Variants in GPR158 observed in about 807,000 individuals in gnomAD.
GPR158 encodes metabotropic glycine receptor.
Under a neutral mutation model 78.2 loss-of-function variants are expected in GPR158, and 30 were observed. The observed-to-expected ratio is 0.38, with a 90% CI of 0.29 to 0.52. The LOEUF (loss-of-function observed/expected upper bound fraction) is 0.52. Among genes scored for constraint, GPR158 ranks in the 20% least tolerant of loss-of-function variants. The pLI is 0.83. For synonymous variants in GPR158, 581 were observed against 591.1 expected (o/e 0.98, Z 0.25); for missense variants, 1,463 against 1,523.5 (o/e 0.96, Z 0.66).
At chr10:25,297,940 A>C (rs66539540) in intron 2 of GPR158, among the ~76,000 whole-genome samples, 29,303 of 152,114 alleles carry the variant, frequency 0.19, 5,132 homozygotes, top group African/African-American at 0.47. Context: ...GGTTCAAATC[A>C]CATCTTTGCC....
intron 4 of GPR158, among the ~76,000 whole-genome samples, chr10:25,458,095 T>C (rs1043922229): frequency 5.9e-5 from 9 of 152,210 alleles, no homozygotes; most frequent in Non-Finnish European, 1.3e-4. Context: ...TCAAATTATG[T>C]ATAAATCAAT....
At chr10:25,317,101 T>C (rs1225305973) in intron 2 of GPR158, among the ~76,000 whole-genome samples, 1 of 151,726 alleles carries the variant, frequency 6.6e-6, no homozygotes, top group African/African-American at 2.4e-5. Flanking sequence ...TGGAGTGCAG[T>C]TGGCGTGATC....
At chr10:25,416,028 C>G (rs911779556) in intron 4 of GPR158, among the ~76,000 whole-genome samples, 2 of 152,034 alleles carry the variant, frequency 1.3e-5, no homozygotes, top group African/African-American at 4.8e-5. Context: ...AAATCTATTA[C>G]AAATTTTTAA....
intron 5 of GPR158, among the ~76,000 whole-genome samples, chr10:25,536,202 A>C (rs989409214): frequency 2.0e-5 from 3 of 152,172 alleles, no homozygotes; most frequent in Non-Finnish European, 2.9e-5. Context: ...ATTTTTATTG[A>C]AGAATATTTA....
chr10:25,380,380 T>A (rs1378719101), intron 2 of GPR158, among the ~76,000 whole-genome samples: 1 of 152,342 alleles, frequency 6.6e-6, no homozygotes, highest in African/African-American at 2.4e-5. Flanking sequence ...TTTATAAAAC[T>A]GAAATCATAT....
At chr10:25,264,998 G>A (rs887935338) in intron 2 of GPR158, among the ~76,000 whole-genome samples, 1 of 152,124 alleles carries the variant, frequency 6.6e-6, no homozygotes, top group Non-Finnish European at 1.5e-5. Flanking sequence ...CCCTCTCATT[G>A]TATCTCATTA....
At chr10:25,208,682 A>T (rs1355535204) in intron 1 of GPR158, among the ~76,000 whole-genome samples, 1 of 151,802 alleles carries the variant, frequency 6.6e-6, no homozygotes, top group East Asian at 1.9e-4. Context: ...GAACATCTCG[A>T]CATTTCCCGA....
intron 10 of GPR158, among the ~76,000 whole-genome samples, chr10:25,597,529 T>C (rs1243328737): frequency 6.6e-6 from 1 of 152,146 alleles, no homozygotes; most frequent in Non-Finnish European, 1.5e-5. Flanking sequence ...TGCTTGCTCC[T>C]TGAAGCAAGG....
At chr10:25,499,406 G>A (rs575577837) in intron 5 of GPR158, among the ~76,000 whole-genome samples, 1 of 152,164 alleles carries the variant, frequency 6.6e-6, no homozygotes, top group Non-Finnish European at 1.5e-5. Flanking sequence ...TTGGTACCAA[G>A]GTGGTATGTG....
At chr10:25,220,238 C>A (rs1731799308) in intron 1 of GPR158, among the ~76,000 whole-genome samples, 1 of 152,104 alleles carries the variant, frequency 6.6e-6, no homozygotes, top group African/African-American at 2.4e-5. Context: ...CAGTGTTGGA[C>A]AGATATTTCT....
intron 6 of GPR158, among the ~76,000 whole-genome samples, chr10:25,567,877 G>C (rs980272254): frequency 6.6e-5 from 10 of 152,150 alleles, no homozygotes; most frequent in Non-Finnish European, 1.3e-4. Context: ...TGACTAGCTA[G>C]GAAGCTACTA....
rs201950292 is a variant in GPR158 at position 25,598,745 on chromosome 10, C to T, written c.3119C>T (p.Pro1040Leu). ...SIVASEMEKN[P>L]TFSLKEKSHH... ...GTGGCTTCTGAAATGGAGAAAAACC[C>T]CACTTTTTCCTTAAAGGAGAAATCT... The change falls in exon 11 of 11, where the codon CCC becomes CTC. Residue 1040 changes from proline (P) to leucine (L), a missense_variant. Physicochemically the swap from Pro to Leu is moderately conservative, Grantham distance 98. Coordinates refer to ENST00000376351, the MANE Select transcript of GPR158 (RefSeq NM_020752.3). 107 of 1,614,004 alleles carry T rather than the reference C, an allele frequency of 6.6e-5. No homozygotes were observed. The highest frequency in any genetic ancestry group is 8.7e-5 in the Non-Finnish European group (103 of 1,179,994).
At chr10:25,523,826 A>G (rs1836316252) in intron 5 of GPR158, among the ~76,000 whole-genome samples, 2 of 152,188 alleles carry the variant, frequency 1.3e-5, no homozygotes, top group African/African-American at 4.8e-5. Flanking sequence ...AGCCACAGCA[A>G]TTAGGCAAGA....
chr10:25,575,294 G>A (rs918655288), intron 7 of GPR158, among the ~76,000 whole-genome samples: 60 of 152,062 alleles, frequency 3.9e-4, no homozygotes, highest in African/African-American at 1.3e-3. Context: ...ATAATGAATC[G>A]GTAAATTCAA....
Position 25,598,440 on chromosome 10 carries a change from T to C in GPR158, c.2814T>C (p.Asp938=). The change falls in exon 11 of 11, where the codon GAT becomes GAC. Residue 938 remains aspartate, a synonymous_variant. Transcript: ENST00000376351. ...RTKSQKPLPK[D]KETNRNHSNS... is the part of the protein sequence containing the mutation. ...AATCCCAGAAACCTTTGCCAAAAGA[T>C]AAAGAGACAAACAGAAATCACTCAA... 3 of 1,613,884 alleles carry C rather than the reference T, an allele frequency of 1.9e-6. No individual in the cohort carries two copies. The highest frequency in any genetic ancestry group is 8.5e-7 in the Non-Finnish European group (1 of 1,179,988).
chr10:25,311,391 TTG>T (rs1854761838), intron 2 of GPR158, among the ~76,000 whole-genome samples: 1 of 151,940 alleles, frequency 6.6e-6, no homozygotes, highest in Non-Finnish European at 1.5e-5. Context: ...TGCATTTTTG[TTG>T]TGTTTATATG....
At chr10:25,339,095 C>T (rs1360158949) in intron 2 of GPR158, among the ~76,000 whole-genome samples, 1 of 150,738 alleles carries the variant, frequency 6.6e-6, no homozygotes, top group Non-Finnish European at 1.5e-5. Context: ...AGTGATTCTC[C>T]TGCCTCAGTC....
chr10:25,232,221 T>A (rs1387065709), intron 2 of GPR158, among the ~76,000 whole-genome samples: 1 of 152,120 alleles, frequency 6.6e-6, no homozygotes, highest in Admixed American at 6.5e-5. Flanking sequence ...TGAGAGGCAA[T>A]CAGAATATAC....
intron 5 of GPR158, among the ~76,000 whole-genome samples, chr10:25,538,155 C>T (rs1280188786): frequency 2.6e-5 from 4 of 152,122 alleles, no homozygotes; most frequent in Admixed American, 1.3e-4. Flanking sequence ...GCAGTTTGCT[C>T]ATAAGGATAT....
Sources: allele counts gnomAD v4.1 joint callset (sites outside exome capture counted in the v4.1 genomes callset), GRCh38; gene constraint gnomAD v4.1.1; transcripts MANE v1.5; gene names NCBI Gene and HGNC (gene_info 2026-07-23, HGNC 2026-07-21).